The following WDR49 variants were observed in gnomAD, a reference collection of about 807,000 sequenced individuals.
WDR49 encodes WD repeat domain 49.
Under a neutral mutation model 119.5 loss-of-function variants are expected in WDR49, and 107 were observed. That is an observed-to-expected ratio of 0.90 (90% confidence interval 0.77 to 1.05). The LOEUF (loss-of-function observed/expected upper bound fraction) is 1.05, where lower values mean the gene tolerates loss of function less well. Ranked by LOEUF, WDR49 falls within the 50% of genes least tolerant of loss-of-function variation. The probability of loss-of-function intolerance (pLI) is 0.00; values close to 1 mark genes in which losing one functional copy is unlikely to be tolerated. For missense variants in WDR49, 1,240 were observed against 1,220.5 expected (o/e 1.02, Z -0.24); for synonymous variants, 425 against 418.8 (o/e 1.01, Z -0.18).
intron 2 of WDR49, among the ~76,000 whole-genome samples, chr3:167,635,129 T>C (rs1057326483): frequency 1.3e-5 from 2 of 151,832 alleles, no homozygotes; most frequent in Non-Finnish European, 2.9e-5. Context: ...CCCAGCAACA[T>C]ATATATATTC....
At chr3:167,650,302 T>G (rs1718316112) in intron 2 of WDR49, among the ~76,000 whole-genome samples, 1 of 152,176 alleles carries the variant, frequency 6.6e-6, no homozygotes, top group South Asian at 2.1e-4. Flanking sequence ...AATATGAGCA[T>G]CCAGAGACCA....
At chr3:167,591,671 A>G (rs1174833597) in intron 7 of WDR49, among the ~76,000 whole-genome samples, 1 of 152,000 alleles carries the variant, frequency 6.6e-6, no homozygotes, top group Non-Finnish European at 1.5e-5. Flanking sequence ...TTTGTCCCTT[A>G]TAGGTTTGGC....
chr3:167,602,090 G>T, intron 7 of WDR49, 37 bp downstream of exon 7: 1 of 1,545,594 alleles, frequency 6.5e-7, no homozygotes, highest in East Asian at 2.3e-5. Flanking sequence ...AATCGGGGAA[G>T]CAAAACTAAA....
chr3:167,620,653 C>T (rs1716824176), intron 4 of WDR49, 50 bp from the exon 5 acceptor site: 2 of 1,457,222 alleles, frequency 1.4e-6, no homozygotes, highest in Admixed American at 2.4e-5. Flanking sequence ...ATATTTGTTG[C>T]AAGAAGATTC....
At chr3:167,614,668 C>T (rs1055968308) in intron 5 of WDR49, among the ~76,000 whole-genome samples, 1 of 152,170 alleles carries the variant, frequency 6.6e-6, no homozygotes, top group Non-Finnish European at 1.5e-5. Context: ...TCTTAAAGCA[C>T]TATGTTAATA....
intron 16 of WDR49, among the ~76,000 whole-genome samples, chr3:167,511,021 C>T (rs768116954): frequency 6.6e-5 from 10 of 152,082 alleles, no homozygotes; most frequent in Admixed American, 2.6e-4. Context: ...GCACATTCTT[C>T]GGAAGAATAT....
At chr3:167,480,110 G>A (rs1750646867) in intron 18 of WDR49, among the ~76,000 whole-genome samples, 2 of 151,766 alleles carry the variant, frequency 1.3e-5, no homozygotes, top group Admixed American at 1.3e-4. Context: ...GCAGGCGCCT[G>A]TAATCTCAGC....
rs200981332 is a variant in WDR49 at position 167,546,707 on chromosome 3, G to T, written c.1823+7943C>A. ...TGTCAAGTGCAAAAAAAAAAAAAAA[G>T]AAAAATATTTAAAACCACCTTTTTT... On this transcript the variant is annotated intron_variant, in intron 10 of 18. Transcript: ENST00000682715. Among the ~76,000 whole-genome samples the T allele has an allele frequency of 3.5e-3, 498 of 143,276 alleles. 4 individuals carry two copies. The highest frequency in any genetic ancestry group is 0.012 in the African/African-American group (470 of 38,960). The allele number at this position is 143,276 out of a possible 152,430, so 94.0% of individuals were successfully genotyped here.
chr3:167,577,521 A>G (rs143840132), intron 7 of WDR49, among the ~76,000 whole-genome samples: 4 of 152,036 alleles, frequency 2.6e-5, no homozygotes, highest in African/African-American at 7.2e-5. Context: ...GACCTCCAAT[A>G]AGTTTTTTTT....
In WDR49 at chr3:167,653,464, T is replaced by A. The variant is rs1427413945; in HGVS notation, c.-39A>T. ...TTTCTCAGTTGCCTTCAACTATTTCTATAAGGATGGATCTTCTTTTTCCTT... is the reference window on the plus strand; with the variant it reads ...TTTCTCAGTTGCCTTCAACTATTTCAATAAGGATGGATCTTCTTTTTCCTT... On this transcript the variant is annotated 5_prime_UTR_variant, in exon 2 of 19. The change abolishes the stop of an existing upstream ORF in the 5' untranslated region. Transcript: ENST00000682715. The A allele has an allele frequency of 6.9e-7, 1 of 1,442,812 alleles. No homozygotes were observed. Among genetic ancestry groups the A allele is most frequent in the Non-Finnish European group, 9.0e-7 (1 of 1,105,450 alleles). The allele number at this position is 1,442,812 out of a possible 1,614,324, so 89.4% of individuals were successfully genotyped here.
At chr3:167,487,852 CTAT>C (rs1750983648) in intron 18 of WDR49, among the ~76,000 whole-genome samples, 1 of 151,844 alleles carries the variant, frequency 6.6e-6, no homozygotes, top group South Asian at 2.1e-4. Flanking sequence ...GTCAAAATGG[CTAT>C]TATTAAGTCA....
intron 8 of WDR49, among the ~76,000 whole-genome samples, chr3:167,566,281 G>GAC: frequency 6.6e-6 from 1 of 152,254 alleles, no homozygotes; most frequent in South Asian, 2.1e-4. Flanking sequence ...GAGTTCTAAG[G>GAC]ACAAGGTGAA....
chr3:167,646,963 A>G (rs1481006122), intron 2 of WDR49, among the ~76,000 whole-genome samples: 1 of 152,282 alleles, frequency 6.6e-6, no homozygotes, highest in East Asian at 1.9e-4. Context: ...ACTAAGGGAC[A>G]GTTTAGAGGA....
At chr3:167,607,310 A>G (rs1716107324) in intron 5 of WDR49, among the ~76,000 whole-genome samples, 1 of 152,182 alleles carries the variant, frequency 6.6e-6, no homozygotes, top group South Asian at 2.1e-4. Context: ...GTCAGAGAGA[A>G]ACTTTGCTCC....
chr3:167,639,881 T>A (rs189632851), intron 2 of WDR49, among the ~76,000 whole-genome samples: 30 of 151,910 alleles, frequency 2.0e-4, no homozygotes, highest in Non-Finnish European at 3.4e-4. Context: ...CCTAGGCTGC[T>A]GAACACTAAT....
In WDR49 at chr3:167,609,096, A is replaced by ACT. The variant is rs146710300; in HGVS notation, c.959-4630_959-4629dup. ...CACTTAGAGTAAGATAAAATAAGGC[A>ACT]CTCTATAACATTTGCCAACTGATAG... On this transcript the variant is annotated intron_variant, in intron 5 of 18. Coordinates refer to ENST00000682715, the MANE Select transcript of WDR49 (RefSeq NM_001366157.1). Among the ~76,000 whole-genome samples, 507 of 152,252 alleles carry ACT rather than the reference A, an allele frequency of 3.3e-3. 4 individuals are homozygous for ACT. The highest frequency in any genetic ancestry group is 0.011 in the African/African-American group (477 of 41,532).
At chr3:167,595,833 C>T (rs1246237238) in intron 7 of WDR49, among the ~76,000 whole-genome samples, 3 of 151,512 alleles carry the variant, frequency 2.0e-5, no homozygotes, top group Non-Finnish European at 4.4e-5. Context: ...TCTAAAACAC[C>T]AAAAGCAATG....
At chr3:167,628,876 C>G (rs1019036128) in intron 2 of WDR49, among the ~76,000 whole-genome samples, 1 of 152,136 alleles carries the variant, frequency 6.6e-6, no homozygotes, top group Non-Finnish European at 1.5e-5. Flanking sequence ...CAGACTGACT[C>G]TCTTGTTAGG....
intron 10 of WDR49, among the ~76,000 whole-genome samples, chr3:167,551,254 A>G (rs141165003): frequency 2.6e-5 from 4 of 152,104 alleles, no homozygotes; most frequent in Non-Finnish European, 4.4e-5. Context: ...AACAGGAATC[A>G]TGATTCTTTA....
Sources: gnomAD v4.1 joint callset for allele counts (sites outside exome capture counted in the v4.1 genomes callset) on GRCh38, gnomAD v4.1.1 for gene constraint, MANE v1.5 for transcripts, NCBI Gene and HGNC (gene_info 2026-07-23, HGNC 2026-07-21) for gene names.